The following MPZL1 variants were observed in gnomAD, a reference collection of about 807,000 sequenced individuals.
MPZL1 encodes the protein myelin protein zero like 1.
A neutral mutation model predicts 29.3 loss-of-function variants in MPZL1; 16 were observed. The ratio of observed to expected loss-of-function variants is 0.55; its 90% CI spans 0.37 to 0.83. The LOEUF (loss-of-function observed/expected upper bound fraction) is 0.83, where lower values mean the gene tolerates loss of function less well. Ranked by LOEUF, MPZL1 falls within the 40% of genes least tolerant of loss-of-function variation. MPZL1 has a pLI of 0.00. For missense variants in MPZL1, 279 were observed against 332.9 expected, an observed-to-expected ratio of 0.84 and a Z score of 1.26; for synonymous variants, 143 against 132.0, an observed-to-expected ratio of 1.08 and a Z score of -0.57.
chr1:167,762,231 A>G (rs951838462), intron 1 of MPZL1, among the ~76,000 whole-genome samples: 2 of 152,178 alleles, frequency 1.3e-5, no homozygotes, highest in Admixed American at 1.3e-4. Flanking sequence ...TCAACATCCT[A>G]CAAGGTATAG....
At chr1:167,762,424 C>T (rs148420450) in intron 1 of MPZL1, among the ~76,000 whole-genome samples, 151 of 152,260 alleles carry the variant, frequency 9.9e-4, no homozygotes, top group Admixed American at 2.6e-3. Context: ...GAGACGCCAG[C>T]GCAGCCACGT....
intron 1 of MPZL1, among the ~76,000 whole-genome samples, chr1:167,757,288 A>G (rs1273431302): frequency 2.0e-5 from 3 of 152,250 alleles, no homozygotes; most frequent in Non-Finnish European, 2.9e-5. Context: ...GCCTGATTGT[A>G]GAAGTCATAG....
intron 5 of MPZL1, among the ~76,000 whole-genome samples, chr1:167,777,885 A>G (rs1004243800): frequency 3.3e-5 from 5 of 152,252 alleles, no homozygotes; most frequent in African/African-American, 1.2e-4. Context: ...CACCATAACA[A>G]AGCTTAAAAG....
chr1:167,773,180 C>A, intron 3 of MPZL1, 56 bp from the exon 4 acceptor site: 1 of 1,528,968 alleles, frequency 6.5e-7, no homozygotes, highest in Non-Finnish European at 8.9e-7. Context: ...TAATAAAATT[C>A]CATGTTTTCT....
intron 5 of MPZL1, 54 bp from the exon 6 acceptor site, chr1:167,787,766 T>G: frequency 1.5e-6 from 2 of 1,365,298 alleles, no homozygotes; most frequent in Non-Finnish European, 2.1e-6. Context: ...TGCCTGTAGC[T>G]GAAGGAACCG....
chr1:167,724,681 CTT>C (rs2101742362), intron 1 of MPZL1, among the ~76,000 whole-genome samples: 1 of 152,200 alleles, frequency 6.6e-6, no homozygotes, highest in African/African-American at 2.4e-5. Context: ...GATGGAGATA[CTT>C]TTGAATATGT....
intron 1 of MPZL1, among the ~76,000 whole-genome samples, chr1:167,753,630 C>CT (rs35276060): frequency 1.9e-4 from 28 of 146,084 alleles, no homozygotes; most frequent in South Asian, 1.7e-3. Flanking sequence ...ACTTGAATTT[C>CT]TTTTTTTTTT....
At chr1:167,726,570 A>G (rs1423957901) in intron 1 of MPZL1, among the ~76,000 whole-genome samples, 3 of 152,180 alleles carry the variant, frequency 2.0e-5, no homozygotes, top group African/African-American at 7.2e-5. Context: ...GTAGGTCCTC[A>G]ATATGTGTTT....
At chr1:167,774,262 G>A (rs905577132) in intron 4 of MPZL1, among the ~76,000 whole-genome samples, 2 of 152,194 alleles carry the variant, frequency 1.3e-5, no homozygotes, top group African/African-American at 4.8e-5. Context: ...GGTAAGACTG[G>A]GAGCAGAGGC....
rs184231927 is a variant in MPZL1 at position 167,784,226 on chromosome 1, C to A, written c.709-3594C>A. Among the ~76,000 whole-genome samples, 11 of 152,052 alleles carry A rather than the reference C, an allele frequency of 7.2e-5. 1 individual carries two copies. The East Asian group carries it at 7.7e-4, about 11-fold the overall frequency. ...CTCTAGTTGTAACTAAAATAATAGG[C>A]CTATATTAAGCAATGTGTTTCTTGA... On this transcript the variant is annotated intron_variant, in intron 5 of 5. Coordinates refer to ENST00000359523, the MANE Select transcript of MPZL1 (RefSeq NM_003953.6).
In MPZL1 at chr1:167,789,689, G is replaced by C. The variant is rs531430751; in HGVS notation, c.*1768G>C. 2 of 152,142 alleles carry C rather than the reference G, an allele frequency of 1.3e-5. No individual in the cohort carries two copies. The highest frequency in any genetic ancestry group is 4.8e-5 in the African/African-American group (2 of 41,420). 9.4% of individuals were successfully genotyped at this position (152,142 alleles called of 1,614,324 possible). ...ATCTGTGTGAGTCAACAGGGATCAGGTTTGGTCACCACACATGTCTGAAGC... is the reference window on the plus strand; with the variant it reads ...ATCTGTGTGAGTCAACAGGGATCAGCTTTGGTCACCACACATGTCTGAAGC... On this transcript the variant is annotated 3_prime_UTR_variant, in exon 6 of 6. Coordinates refer to ENST00000359523, the MANE Select transcript of MPZL1 (RefSeq NM_003953.6).
intron 1 of MPZL1, among the ~76,000 whole-genome samples, chr1:167,732,105 C>T (rs1348063974): frequency 6.6e-6 from 1 of 152,130 alleles, no homozygotes; most frequent in Non-Finnish European, 1.5e-5. Context: ...TCTCTAGGGA[C>T]TACTACATAA....
intron 1 of MPZL1, among the ~76,000 whole-genome samples, chr1:167,740,287 C>G (rs1474271998): frequency 6.6e-6 from 1 of 152,194 alleles, no homozygotes; most frequent in East Asian, 1.9e-4. Flanking sequence ...CAAAAATGGA[C>G]TATACTCCTT....
chr1:167,767,214 A>G (rs1023024214), intron 2 of MPZL1, among the ~76,000 whole-genome samples: 1 of 152,260 alleles, frequency 6.6e-6, no homozygotes, highest in African/African-American at 2.4e-5. Context: ...ATGGAAAGAC[A>G]TAAAGAGGCA....
intron 5 of MPZL1, among the ~76,000 whole-genome samples, chr1:167,784,676 A>G (rs1360394841): frequency 1.3e-5 from 2 of 152,196 alleles, no homozygotes; most frequent in Non-Finnish European, 2.9e-5. Context: ...GCAGACCCCA[A>G]TCTCAACCTA....
At chr1:167,738,171 G>A (rs1022833868) in intron 1 of MPZL1, among the ~76,000 whole-genome samples, 7 of 152,174 alleles carry the variant, frequency 4.6e-5, no homozygotes, top group Middle Eastern at 6.8e-3. Context: ...TGATCCGCCC[G>A]CCTCGGCCTC....
intron 1 of MPZL1, among the ~76,000 whole-genome samples, chr1:167,734,016 G>A (rs748858309): frequency 2.0e-5 from 3 of 152,154 alleles, no homozygotes; most frequent in Non-Finnish European, 4.4e-5. Flanking sequence ...CAGCACTTTG[G>A]GAGGCCAAGG....
chr1:167,728,804 T>C (rs1037632812), intron 1 of MPZL1, among the ~76,000 whole-genome samples: 4 of 152,218 alleles, frequency 2.6e-5, no homozygotes, highest in African/African-American at 9.7e-5. Context: ...ATCCTGTGTA[T>C]TGCAGATAAG....
At chr1:167,767,624 A>G (rs966009341) in intron 2 of MPZL1, among the ~76,000 whole-genome samples, 2 of 152,224 alleles carry the variant, frequency 1.3e-5, no homozygotes, top group Admixed American at 6.5e-5. Flanking sequence ...GACACATTTA[A>G]TAAGATGAGT....
Sources: gnomAD v4.1 joint callset for allele counts (sites outside exome capture counted in the v4.1 genomes callset) on GRCh38, gnomAD v4.1.1 for gene constraint, MANE v1.5 for transcripts, NCBI Gene and HGNC (gene_info 2026-07-23, HGNC 2026-07-21) for gene names.